The following DYNC2H1 variants were observed in gnomAD, a reference collection of about 807,000 sequenced individuals.
DYNC2H1 encodes the protein dynein cytoplasmic 2 heavy chain 1, also known as cytoplasmic dynein 2 heavy chain 1.
A neutral mutation model predicts 570.0 loss-of-function variants in DYNC2H1; 410 were observed. The observed-to-expected ratio is 0.72, with a 90% CI of 0.66 to 0.78. The LOEUF (loss-of-function observed/expected upper bound fraction) is 0.78, where lower values mean the gene tolerates loss of function less well. DYNC2H1 is among the 30% of genes least tolerant of loss of function. The probability of loss-of-function intolerance (pLI) is 0.00; values close to 1 mark genes in which losing one functional copy is unlikely to be tolerated. For missense variants in DYNC2H1, 4,865 were observed against 5,046.4 expected, an observed-to-expected ratio of 0.96 and a Z score of 1.09; for synonymous variants, 1,688 against 1,677.6, an observed-to-expected ratio of 1.01 and a Z score of -0.15.
intron 6 of DYNC2H1, among the ~76,000 whole-genome samples, chr11:103,119,676 A>G (rs1428292511): frequency 1.3e-5 from 2 of 152,126 alleles, no homozygotes; most frequent in Non-Finnish European, 2.9e-5. Context: ...CAAGCCCCCA[A>G]AAATGTTCCA....
At chr11:103,459,117 G>A (rs918381435) in intron 87 of DYNC2H1, among the ~76,000 whole-genome samples, 11 of 150,736 alleles carry the variant, frequency 7.3e-5, no homozygotes, top group African/African-American at 2.7e-4. Context: ...AGACCATCCC[G>A]GCTAAAACGG....
intron 66 of DYNC2H1, among the ~76,000 whole-genome samples, chr11:103,253,858 A>G (rs374348696): frequency 6.6e-6 from 1 of 152,098 alleles, no homozygotes; most frequent in Non-Finnish European, 1.5e-5. Flanking sequence ...TTTTTTAACC[A>G]TTAGAACACA....
rs1403282499 is a variant in DYNC2H1, at chr11:103,189,562, T to C, written c.7293-110T>C. The C allele has an allele frequency of 2.0e-6, 2 of 1,025,192 alleles. No individual in the cohort carries two copies. Among genetic ancestry groups the C allele is most frequent in the Non-Finnish European group, 1.4e-6 (1 of 701,258 alleles). The allele number at this position is 1,025,192 out of a possible 1,614,324, so 63.5% of individuals were successfully genotyped here. On this transcript the variant is annotated intron_variant, in intron 44 of 88. Transcript: ENST00000375735. The surrounding 1 kb of genome is among the most constrained non-coding windows in gnomAD (Gnocchi z 4.3). ...CCCCTGGGTAAGCTTTGGAGATATG[T>C]AGGTCTTAGAGCAGCACAGTTTCAA...
At position 103,326,659 on chromosome 11, in the gene DYNC2H1, G is replaced by C. The variant is rs1046208995; in HGVS notation, c.12039+2669G>C. ...ACTTGGAAAATACTCAGATAGTGCG[G>C]AGCACTCAGGCAGGGCTGTGGAGGC... On this transcript the variant is annotated intron_variant, in intron 82 of 88. Transcript: ENST00000375735. The surrounding 1 kb of genome is among the most constrained non-coding windows in gnomAD (Gnocchi z 6.1). 2.0e-5 allele frequency among the ~76,000 whole-genome samples: 3 copies of C among 152,206 alleles called. No individual in the cohort carries two copies. Among genetic ancestry groups the C allele is most frequent in the African/African-American group, 7.2e-5 (3 of 41,466 alleles).
At chr11:103,476,109 CT>C (rs60606833) in intron 88 of DYNC2H1, among the ~76,000 whole-genome samples, 24,710 of 152,074 alleles carry the variant, frequency 0.16, 2,170 homozygotes, top group Admixed American at 0.25. Flanking sequence ...TAGGCTTTAC[CT>C]TTTAAGATCG....
intron 61 of DYNC2H1, 102 bp from the exon 62 acceptor site, chr11:103,235,570 C>G: frequency 9.1e-7 from 1 of 1,104,370 alleles, no homozygotes; most frequent in South Asian, 2.6e-5. Context: ...AAGTTATTAC[C>G]TGTGATTTTC....
intron 75 of DYNC2H1, among the ~76,000 whole-genome samples, chr11:103,294,218 T>C (rs1866729391): frequency 6.6e-6 from 1 of 152,212 alleles, no homozygotes; most frequent in Admixed American, 6.5e-5. Flanking sequence ...TGGTACCTTA[T>C]TTAGTTCATT....
chr11:103,111,194 G>A (rs1243020129), intron 1 of DYNC2H1, among the ~76,000 whole-genome samples: 1 of 152,084 alleles, frequency 6.6e-6, no homozygotes, highest in Non-Finnish European at 1.5e-5. Flanking sequence ...GGTTTAATTC[G>A]ATTGTATTTA....
chr11:103,423,045 T>C (rs1943541914), intron 84 of DYNC2H1, among the ~76,000 whole-genome samples: 1 of 121,792 alleles, frequency 8.2e-6, no homozygotes. Context: ...AAGGGTCTAC[T>C]GTAGACCGTT....
chr11:103,253,820 A>G (rs1006435362), intron 66 of DYNC2H1, among the ~76,000 whole-genome samples: 16 of 152,182 alleles, frequency 1.1e-4, no homozygotes, highest in Non-Finnish European at 1.5e-4. Context: ...CAGCTAGTTA[A>G]GAGTCTTTGA....
At chr11:103,144,958 G>A (rs935574200) in intron 18 of DYNC2H1, among the ~76,000 whole-genome samples, 20 of 151,774 alleles carry the variant, frequency 1.3e-4, no homozygotes, top group Non-Finnish European at 2.6e-4. Flanking sequence ...TATGCTCACT[G>A]CAACCTCCAC....
At chr11:103,354,181 C>A (rs2458644) in intron 82 of DYNC2H1, among the ~76,000 whole-genome samples, 69,299 of 117,034 alleles carry the variant, frequency 0.59, 19,135 homozygotes, top group Non-Finnish European at 0.69. Context: ...TGTCTCAAAA[C>A]AAAAAAAAAA....
At chr11:103,229,554 T>C (rs1863929066) in intron 59 of DYNC2H1, among the ~76,000 whole-genome samples, 1 of 152,194 alleles carries the variant, frequency 6.6e-6, no homozygotes, top group Admixed American at 6.5e-5. Context: ...GTATCACAAA[T>C]TTATCCACAG....
chr11:103,342,478 G>T (rs1939507035), intron 82 of DYNC2H1, among the ~76,000 whole-genome samples: 1 of 151,314 alleles, frequency 6.6e-6, no homozygotes, highest in South Asian at 2.1e-4. Context: ...AATAAATCTT[G>T]CTGCAGCTCA....
chr11:103,230,835 A>G (rs190764918), intron 59 of DYNC2H1, among the ~76,000 whole-genome samples: 1 of 152,170 alleles, frequency 6.6e-6, no homozygotes, highest in Admixed American at 6.6e-5. Flanking sequence ...GTACCACTGC[A>G]CTCTAGCCTG....
rs1469251664 is a variant in DYNC2H1 at position 103,186,206 on chromosome 11, G to A, written c.6634-36G>A. On this transcript the variant is annotated intron_variant, in intron 41 of 88. Coordinates refer to ENST00000375735, the MANE Select transcript of DYNC2H1 (RefSeq NM_001377.3). This position sits in a 1 kb window ranked among gnomAD's most constrained non-coding sequence, Gnocchi z 4.5. ...ATTTTAAAATGTCACACACTCTGGAGTATGTGAAAACTTATCACAATTTTT... is the reference window on the plus strand; with the variant it reads ...ATTTTAAAATGTCACACACTCTGGAATATGTGAAAACTTATCACAATTTTT... The A allele has an allele frequency of 6.3e-7, 1 of 1,585,108 alleles. No homozygotes were observed. Among genetic ancestry groups the A allele is most frequent in the South Asian group, 1.1e-5 (1 of 88,358 alleles).
chr11:103,323,771 G>T, intron 81 of DYNC2H1, 115 bp from the exon 82 acceptor site: 1 of 834,544 alleles, frequency 1.2e-6, no homozygotes, highest in Non-Finnish European at 1.8e-6. Flanking sequence ...GATTTATCTA[G>T]AAAATAAAAA....
intron 82 of DYNC2H1, among the ~76,000 whole-genome samples, chr11:103,346,780 T>A (rs987804798): frequency 6.6e-6 from 1 of 152,204 alleles, no homozygotes; most frequent in Non-Finnish European, 1.5e-5. Context: ...TTGATACAAC[T>A]CTTCCTTATT....
At chr11:103,270,306 C>T (rs12807009) in intron 70 of DYNC2H1, among the ~76,000 whole-genome samples, 16,029 of 151,776 alleles carry the variant, frequency 0.11, 977 homozygotes, top group East Asian at 0.21. Flanking sequence ...CAAGACACCC[C>T]GCATGGGTGC....
Sources: gnomAD v4.1 joint callset for allele counts (sites outside exome capture counted in the v4.1 genomes callset) on GRCh38, gnomAD v4.1.1 for gene constraint, Gnocchi (gnomAD v3.1) non-coding constraint, MANE v1.5 for transcripts, NCBI Gene and HGNC (gene_info 2026-07-23, HGNC 2026-07-21) for gene names.